Variants in TSPEAR observed in about 807,000 individuals in gnomAD.
The protein encoded by TSPEAR is thrombospondin-type laminin G domain and EAR repeat-containing protein.
In TSPEAR, 69 loss-of-function variants were observed where a neutral mutation model predicts 71.6. The ratio of observed to expected loss-of-function variants is 0.96; its 90% CI spans 0.79 to 1.18. The LOEUF (loss-of-function observed/expected upper bound fraction) is 1.18, where lower values mean the gene tolerates loss of function less well. Ranked by LOEUF, TSPEAR falls within the 50% of genes most tolerant of loss-of-function variation. The pLI is 0.00. For synonymous variants in TSPEAR, 402 were observed against 387.2 expected (o/e 1.04, Z -0.45); for missense variants, 971 against 894.9 (o/e 1.09, Z -1.09).
intron 1 of TSPEAR, chr21:44,580,656 T>C: frequency 7.0e-7 from 1 of 1,424,620 alleles, no homozygotes; most frequent in Non-Finnish European, 9.7e-7. Context: ...AAGGAGGGAG[T>C]GAGTGAGTGA....
chr21:44,702,129 C>T, intron 1 of TSPEAR: 1 of 1,170,746 alleles, frequency 8.5e-7, no homozygotes, highest in Non-Finnish European at 1.2e-6. Context: ...GCAGCGTCCA[C>T]ATGAGCACAG....
rs199711972 is a variant in TSPEAR at position 44,580,252 on chromosome 21, T to G, written c.83-12247A>C. The G allele has an allele frequency of 4.4e-5, 71 of 1,605,728 alleles. No individual in the cohort carries two copies. The African/African-American group carries it at 9.7e-4, about 22-fold the overall frequency. On this transcript the variant is annotated intron_variant, in intron 1 of 11. Coordinates refer to ENST00000323084, the MANE Select transcript of TSPEAR (RefSeq NM_144991.3). ...GCTGGCAGCTAGACTGCTGGCAGCATGAAGAGGAATCCTTAGAGCAGGTGG... is the reference window on the plus strand; with the variant it reads ...GCTGGCAGCTAGACTGCTGGCAGCAGGAAGAGGAATCCTTAGAGCAGGTGG...
chr21:44,684,237 G>C (rs1986752410), intron 1 of TSPEAR, among the ~76,000 whole-genome samples: 1 of 152,208 alleles, frequency 6.6e-6, no homozygotes, highest in Non-Finnish European at 1.5e-5. Context: ...CGTGCTTAAA[G>C]ACTGAGACTG....
rs141295608 is a variant in TSPEAR, at chr21:44,612,417, C to T, written c.83-44412G>A. The T allele has an allele frequency of 1.3e-4, 212 of 1,614,114 alleles. 1 individual carries two copies. In the African/African-American group the frequency reaches 1.6e-3, roughly 12 times the overall value. On this transcript the variant is annotated intron_variant, in intron 1 of 11. Transcript: ENST00000323084. The surrounding 1 kb of genome is among the most constrained non-coding windows in gnomAD (Gnocchi z 4.1). The stretch of plus-strand genomic sequence containing the variant: ...TGCTGCCAGCAGTCTAGCTGCCAGC[C>T]GGCTTGCTGCACCTCCTCCCCCTGC...
intron 1 of TSPEAR, chr21:44,627,063 G>T (rs112627038): frequency 1.3e-6 from 2 of 1,511,844 alleles, no homozygotes; most frequent in East Asian, 2.3e-5. Context: ...GCCAGGAGGG[G>T]TATAAAAGCC....
chr21:44,577,435 C>G (rs1948985164), intron 1 of TSPEAR, among the ~76,000 whole-genome samples: 1 of 152,198 alleles, frequency 6.6e-6, no homozygotes, highest in South Asian at 2.1e-4. Flanking sequence ...TCTCAGGAAG[C>G]TTTACTCATG....
chr21:44,628,099 A>T, intron 1 of TSPEAR: 1 of 1,577,322 alleles, frequency 6.3e-7, no homozygotes, highest in African/African-American at 1.3e-5. Context: ...CCTCCCTGCC[A>T]GTCCTTGGAC....
chr21:44,599,134 T>TTC lies in TSPEAR; in HGVS notation c.83-31131_83-31130dup, dbSNP rs58774528. Among the ~76,000 whole-genome samples the TTC allele has an allele frequency of 6.5e-3, 604 of 92,318 alleles. 13 individuals are homozygous for TTC. Among genetic ancestry groups the TTC allele is most frequent in the East Asian group, 0.019 (59 of 3,174 alleles). 60.6% of individuals were successfully genotyped at this position (92,318 alleles called of 152,430 possible). On this transcript the variant is annotated intron_variant, in intron 1 of 11. Transcript: ENST00000323084. ...CCATATGGAAGCAGAGGCCCCCATTTTCTCTCTCTCTCTCTCTCTCTCTCT... is the reference window on the plus strand; with the variant it reads ...CCATATGGAAGCAGAGGCCCCCATTTTCTCTCTCTCTCTCTCTCTCTCTCTCT...
At chr21:44,592,425 G>A (rs1980033032) in intron 1 of TSPEAR, 1 of 1,609,216 alleles carries the variant, frequency 6.2e-7, no homozygotes, top group Non-Finnish European at 8.5e-7. Context: ...AACCAGGAAG[G>A]CAGACGCGGC....
At chr21:44,550,601 TG>T in intron 2 of TSPEAR, 1 of 1,549,934 alleles carries the variant, frequency 6.5e-7, no homozygotes, top group Non-Finnish European at 8.8e-7. Flanking sequence ...CCTTCTGTGC[TG>T]AGCTGTGCTG....
intron 2 of TSPEAR, among the ~76,000 whole-genome samples, chr21:44,541,366 C>T (rs1569175700): frequency 6.6e-6 from 1 of 152,330 alleles, no homozygotes; most frequent in East Asian, 1.9e-4. Context: ...GTCAAGTTCT[C>T]CTTTCGTGTG....
intron 2 of TSPEAR, among the ~76,000 whole-genome samples, chr21:44,563,588 C>CAAA (rs60058857): frequency 2.3e-4 from 34 of 150,984 alleles, no homozygotes; most frequent in African/African-American, 8.0e-4. Context: ...ACAGTGGTGA[C>CAAA]AAAAAAAACC....
intron 1 of TSPEAR, chr21:44,676,069 T>C: frequency 1.1e-6 from 1 of 870,658 alleles, no homozygotes; most frequent in South Asian, 1.3e-5. Flanking sequence ...AGGAGGCATA[T>C]GACAGTAATT....
intron 1 of TSPEAR, among the ~76,000 whole-genome samples, chr21:44,588,736 G>GTTA (rs1979522955): frequency 1.8e-5 from 1 of 55,674 alleles, no homozygotes; most frequent in South Asian, 5.5e-4. Flanking sequence ...GTGTATATAT[G>GTTA]TATATATATG....
chr21:44,514,912 C>T (rs1211875998), intron 9 of TSPEAR, among the ~76,000 whole-genome samples: 2 of 152,182 alleles, frequency 1.3e-5, no homozygotes, highest in African/African-American at 4.8e-5. Flanking sequence ...GCCATGCCCA[C>T]CGACCATTCC....
chr21:44,602,052 C>T (rs1980974525), intron 1 of TSPEAR: 2 of 481,502 alleles, frequency 4.2e-6, no homozygotes, highest in Non-Finnish European at 7.7e-6. Flanking sequence ...GGTTTCTCGT[C>T]ACTGTCCCAG....
intron 2 of TSPEAR, among the ~76,000 whole-genome samples, chr21:44,540,528 T>G (rs2053201931): frequency 6.6e-6 from 1 of 152,138 alleles, no homozygotes; most frequent in Non-Finnish European, 1.5e-5. Flanking sequence ...CCTTCAGCCT[T>G]ATGCAAAGTG....
chr21:44,692,907 C>T (rs1449940785), intron 1 of TSPEAR, among the ~76,000 whole-genome samples: 1 of 151,964 alleles, frequency 6.6e-6, no homozygotes, highest in Admixed American at 6.6e-5. Flanking sequence ...CCAAAACAAT[C>T]TTGAAAAAGA....
intron 1 of TSPEAR, chr21:44,628,190 A>T (rs1983008136): frequency 1.1e-5 from 12 of 1,052,096 alleles, no homozygotes; most frequent in Non-Finnish European, 1.5e-5. Context: ...GGGGTCTCAG[A>T]TGCTCACTGG....
Sources: allele counts gnomAD v4.1 joint callset (sites outside exome capture counted in the v4.1 genomes callset), GRCh38; gene constraint gnomAD v4.1.1; non-coding constraint Gnocchi (gnomAD v3.1); transcripts MANE v1.5; gene names NCBI Gene and HGNC (gene_info 2026-07-23, HGNC 2026-07-21).